The following MAPK11 variants were observed in gnomAD, a reference collection of about 807,000 sequenced individuals.
MAPK11 encodes MAP kinase 11.
MAPK11 carries 44 observed loss-of-function variants against 52.2 expected under a neutral mutation model. That is an observed-to-expected ratio of 0.84 (90% confidence interval 0.66 to 1.08). MAPK11 has a LOEUF of 1.08. Ranked by LOEUF, MAPK11 falls within the 50% of genes least tolerant of loss-of-function variation. The probability of loss-of-function intolerance (pLI) is 0.00; values close to 1 mark genes in which losing one functional copy is unlikely to be tolerated. For synonymous variants in MAPK11, 233 were observed against 206.3 expected (o/e 1.13, Z -1.11); for missense variants, 436 against 494.7 (o/e 0.88, Z 1.13).
intron 7 of MAPK11, 60 bp downstream of exon 7, chr22:50,266,874 G>T: frequency 6.7e-7 from 1 of 1,493,842 alleles, no homozygotes; most frequent in Non-Finnish European, 9.2e-7. Flanking sequence ...GGCATGCAGA[G>T]CCAGTCGAGG....
rs2147273996 is a variant in MAPK11 at position 50,270,309 on chromosome 22, G to C, written c.-17C>G. The C allele has an allele frequency of 8.7e-7, 1 of 1,153,240 alleles. No homozygotes were observed. Among genetic ancestry groups the C allele is most frequent in the East Asian group, 3.6e-5 (1 of 28,072 alleles). 71.4% of individuals were successfully genotyped at this position (1,153,240 alleles called of 1,614,324 possible). On this transcript the variant is annotated 5_prime_UTR_variant, in exon 1 of 12. Coordinates refer to ENST00000330651, the MANE Select transcript of MAPK11 (RefSeq NM_002751.7). The surrounding 1 kb of genome is among the most constrained non-coding windows in gnomAD (Gnocchi z 6.3). ...GCCCGACATGTCCGGAGCAGCCGCCGCTCCGCCCGGGCCCAGCCCCGCGCC... is the reference window on the plus strand; with the variant it reads ...GCCCGACATGTCCGGAGCAGCCGCCCCTCCGCCCGGGCCCAGCCCCGCGCC...
At position 50,270,055 on chromosome 22, in the gene MAPK11, GC is replaced by G. The variant is rs2065296103; in HGVS notation, c.116+121del. 5.7e-6 allele frequency: 2 copies of G among 353,606 alleles called. No homozygotes were observed. Among genetic ancestry groups the G allele is most frequent in the South Asian group, 2.0e-4 (2 of 9,822 alleles). The allele number at this position is 353,606 out of a possible 1,614,324, so 21.9% of individuals were successfully genotyped here. A position where few individuals can be genotyped will look rare whatever the true frequency, so the allele number is the denominator to read the frequency against. ...CATTCATTCCTCAGATCCGCTTGGC[GC>G]CCGGGGGCGGAGGCAGGGCGAGGCC... is the stretch of plus-strand genomic sequence containing the variant. On this transcript the variant is annotated intron_variant, in intron 1 of 11. Transcript: ENST00000330651. This position sits in a 1 kb window ranked among gnomAD's most constrained non-coding sequence, Gnocchi z 6.3.
intron 2 of MAPK11, 47 bp downstream of exon 2, chr22:50,267,773 C>T: frequency 6.9e-7 from 1 of 1,453,108 alleles, no homozygotes; most frequent in Non-Finnish European, 9.2e-7. Context: ...TGCGCCGCGG[C>T]CCCGCCCCCG....
rs1185901094 is a variant in MAPK11 at position 50,267,403 on chromosome 22, A to C, written c.385T>G (p.Phe129Val). Residue 129 changes from phenylalanine to valine, a missense_variant, in exon 4 of 12, where the codon TTC (phenylalanine) becomes GTC (valine). Phe to Val is a conservative substitution (Grantham distance 50). Transcript: ENST00000330651. ...CQALSDEHVQ[F>V]LVYQLLRGLK... ...CCGCGCAGCAGCTGGTAAACCAGGA[A>C]TTGAACGTGCTCGTCGCTCAGCGCC... is the stretch of plus-strand genomic sequence containing the variant. The C allele has an allele frequency of 6.2e-7, 1 of 1,610,650 alleles. No individual in the cohort carries two copies. Among genetic ancestry groups the C allele is most frequent in the East Asian group, 2.2e-5 (1 of 44,820 alleles).
intron 1 of MAPK11, among the ~76,000 whole-genome samples, chr22:50,269,559 A>C (rs1036766550): frequency 1.3e-5 from 2 of 152,140 alleles, no homozygotes; most frequent in African/African-American, 4.8e-5. Context: ...AGCCCTGGCT[A>C]CCCGGGTCTA....
intron 1 of MAPK11, among the ~76,000 whole-genome samples, chr22:50,269,143 C>T (rs1390466057): frequency 1.3e-5 from 2 of 152,152 alleles, no homozygotes; most frequent in Middle Eastern, 3.2e-3. Context: ...ACTCCCACAC[C>T]GTCCCAGACC....
intron 1 of MAPK11, among the ~76,000 whole-genome samples, chr22:50,268,576 C>T (rs894067345): frequency 1.3e-5 from 2 of 152,196 alleles, no homozygotes; most frequent in Admixed American, 1.3e-4. Context: ...AGGTCCAGAC[C>T]CTCTACCCTG....
chr22:50,264,109 C>T lies in MAPK11; in HGVS notation c.*839G>A, dbSNP rs199734945. ...GTGGGTCCCACATCCAAGGAGAAAG[C>T]CCCTGCCCATGCTCATGTGGTTGCC... On this transcript the variant is annotated 3_prime_UTR_variant, in exon 12 of 12. Transcript: ENST00000330651. 4 of 130,618 alleles carry T rather than the reference C, an allele frequency of 3.1e-5. No homozygotes were observed. Among genetic ancestry groups the T allele is most frequent in the Admixed American group, 9.0e-5 (1 of 11,166 alleles). 8.1% of individuals were successfully genotyped at this position (130,618 alleles called of 1,614,324 possible). A position where few individuals can be genotyped will look rare whatever the true frequency, so the allele number is the denominator to read the frequency against.
rs2065279059 is a variant in MAPK11, at chr22:50,267,888, G to T, written c.178C>A (p.Gln60Lys). The T allele has an allele frequency of 6.3e-7, 1 of 1,589,460 alleles. No individual in the cohort carries two copies. The change falls in exon 2 of 12, where the codon CAG becomes AAG. Residue 60 changes from glutamine (Q) to lysine (K), a missense_variant. Gln to Lys is a moderately conservative substitution (Grantham distance 53). Coordinates refer to ENST00000330651, the MANE Select transcript of MAPK11 (RefSeq NM_002751.7). ...GTTCTGCGCGCGTGGATCAGCGACT[G>T]GAAGGGGCGCGACAGCTTCTTCACC... ...VAVKKLSRPF[Q>K]SLIHARRTYR... is the part of the protein sequence containing the mutation.
At position 50,267,060 on chromosome 22, in the gene MAPK11, A is replaced by G; in HGVS notation, c.496-12T>C. The G allele has an allele frequency of 4.3e-6, 7 of 1,611,740 alleles. No individual in the cohort carries two copies. Among genetic ancestry groups the G allele is most frequent in the Non-Finnish European group, 5.9e-6 (7 of 1,179,314 alleles). ...CCAAAATCCAGGATCTGGGGCGACC[A>G]CGTGGTGTTCTCAAGCTCCGCACGG... On this transcript the variant is annotated splice_polypyrimidine_tract_variant and intron_variant, in intron 6 of 11. Transcript: ENST00000330651.
chr22:50,265,913 G>GC (rs1253986058), intron 9 of MAPK11, among the ~76,000 whole-genome samples: 1 of 137,032 alleles, frequency 7.3e-6, no homozygotes, highest in Non-Finnish European at 1.6e-5. Context: ...GCCAGGCACT[G>GC]CTTGCTGGGG....
At chr22:50,268,057 T>G in intron 1 of MAPK11, 108 bp from the exon 2 acceptor site, 39 of 1,137,516 alleles carry the variant, frequency 3.4e-5, no homozygotes, top group East Asian at 1.1e-4. Context: ...GATGGGGCCG[T>G]GGGGCTTTTC....
chr22:50,266,883 G>C (rs776754483), intron 7 of MAPK11, 51 bp downstream of exon 7: 13 of 1,534,242 alleles, frequency 8.5e-6, no homozygotes, highest in African/African-American at 1.4e-5. Flanking sequence ...AGCCAGTCGA[G>C]GGCCAGACGA....
At chr22:50,267,735 C>CA in intron 2 of MAPK11, 85 bp downstream of exon 2, 1 of 1,438,542 alleles carries the variant, frequency 7.0e-7, no homozygotes, top group Non-Finnish European at 9.1e-7. Flanking sequence ...TCCCCGCCCC[C>CA]ATCGCCAGGG....
intron 3 of MAPK11, 30 bp from the exon 4 acceptor site, chr22:50,267,512 G>T: frequency 6.4e-7 from 1 of 1,563,380 alleles, no homozygotes; most frequent in South Asian, 1.2e-5. Flanking sequence ...TCAGGACAGG[G>T]CCCCACCGCC....
intron 9 of MAPK11, 29 bp downstream of exon 9, chr22:50,266,197 G>A (rs759258543): frequency 1.6e-5 from 25 of 1,538,004 alleles, no homozygotes; most frequent in Non-Finnish European, 1.8e-5. Flanking sequence ...CCAGGAGAGG[G>A]AGCTGCTGGC....
Position 50,267,108 on chromosome 22 carries a change from C to T in MAPK11, c.495+19G>A. The T allele has an allele frequency of 6.2e-7, 1 of 1,611,722 alleles. No individual in the cohort carries two copies. Among genetic ancestry groups the T allele is most frequent in the Non-Finnish European group, 8.5e-7 (1 of 1,179,472 alleles). On this transcript the variant is annotated intron_variant, in intron 6 of 11. Transcript: ENST00000330651. ...CGGGCTCCGCCGCCGCCCTGCCCACCCCTGCCCACGGGCCTCACCCTGAGC... is the reference window on the plus strand; with the variant it reads ...CGGGCTCCGCCGCCGCCCTGCCCACTCCTGCCCACGGGCCTCACCCTGAGC...
intron 1 of MAPK11, among the ~76,000 whole-genome samples, chr22:50,269,296 G>A (rs545314323): frequency 6.6e-5 from 10 of 152,164 alleles, no homozygotes; most frequent in South Asian, 4.1e-4. Flanking sequence ...CCCTGATGCC[G>A]GCTCCTGAGC....
At chr22:50,266,120 C>T (rs571447942) in intron 9 of MAPK11, 106 bp downstream of exon 9, 12 of 915,816 alleles carry the variant, frequency 1.3e-5, no homozygotes, top group South Asian at 6.7e-5. Context: ...CCCACCACAT[C>T]CCATGTTCCC....
Sources: allele counts gnomAD v4.1 joint callset (sites outside exome capture counted in the v4.1 genomes callset), GRCh38; gene constraint gnomAD v4.1.1; non-coding constraint Gnocchi (gnomAD v3.1); transcripts MANE v1.5; gene names NCBI Gene and HGNC (gene_info 2026-07-23, HGNC 2026-07-21).